The following PCDH9 variants were observed in gnomAD, a reference collection of about 807,000 sequenced individuals.
PCDH9 encodes protocadherin-9.
A neutral mutation model predicts 70.6 loss-of-function variants in PCDH9; 24 were observed. The observed-to-expected ratio is 0.34, with a 90% CI of 0.25 to 0.48. The LOEUF is 0.48. Ranked by LOEUF, PCDH9 falls within the 20% of genes least tolerant of loss-of-function variation. The probability of loss-of-function intolerance (pLI) is 0.99; values close to 1 mark genes in which losing one functional copy is unlikely to be tolerated. For missense variants in PCDH9, 1,281 were observed against 1,503.6 expected, an observed-to-expected ratio of 0.85 and a Z score of 2.45; for synonymous variants, 562 against 558.5, an observed-to-expected ratio of 1.01 and a Z score of -0.09.
At chr13:66,513,440 A>G (rs1157546715) in intron 4 of PCDH9, among the ~76,000 whole-genome samples, 3 of 152,054 alleles carry the variant, frequency 2.0e-5, no homozygotes, top group Admixed American at 6.6e-5. Flanking sequence ...GCCACGTTTT[A>G]CATAATTTCA....
At chr13:66,532,479 C>A (rs1227121050) in intron 4 of PCDH9, among the ~76,000 whole-genome samples, 2 of 152,176 alleles carry the variant, frequency 1.3e-5, no homozygotes, top group South Asian at 2.1e-4. Context: ...AATATTTAAA[C>A]AAAAATTCTT....
chr13:67,088,052 C>A (rs991898327), intron 2 of PCDH9, among the ~76,000 whole-genome samples: 2 of 151,822 alleles, frequency 1.3e-5, no homozygotes, highest in African/African-American at 2.4e-5. Flanking sequence ...TTAGGAATTG[C>A]GGCTACTCTG....
intron 2 of PCDH9, among the ~76,000 whole-genome samples, chr13:67,094,346 C>T (rs2086278549): frequency 6.6e-6 from 1 of 152,114 alleles, no homozygotes; most frequent in South Asian, 2.1e-4. Context: ...TCATTTTCAC[C>T]CTCCAGGCCA....
At chr13:66,981,599 A>C (rs139559960) in intron 2 of PCDH9, among the ~76,000 whole-genome samples, 1,854 of 152,054 alleles carry the variant, frequency 0.012, 14 homozygotes, top group Non-Finnish European at 0.02. Flanking sequence ...AGATCCTATT[A>C]ATTATACAAT....
intron 2 of PCDH9, among the ~76,000 whole-genome samples, chr13:66,944,843 G>GTC (rs1555289279): frequency 1.3e-5 from 2 of 150,432 alleles, no homozygotes; most frequent in African/African-American, 2.5e-5. Context: ...GTGTGTGTGT[G>GTC]TGTGTGTGTG....
intron 3 of PCDH9, among the ~76,000 whole-genome samples, chr13:66,861,154 C>T (rs961548064): frequency 2.6e-5 from 4 of 152,302 alleles, no homozygotes; most frequent in African/African-American, 9.6e-5. Flanking sequence ...GTGTGAAAAT[C>T]ACCCAAATGT....
At chr13:66,958,972 T>C (rs1200037055) in intron 2 of PCDH9, among the ~76,000 whole-genome samples, 1 of 152,244 alleles carries the variant, frequency 6.6e-6, no homozygotes, top group Non-Finnish European at 1.5e-5. Flanking sequence ...TATACTAAAC[T>C]CAACCTTTAG....
chr13:66,375,443 A>G (rs577710746), intron 4 of PCDH9, among the ~76,000 whole-genome samples: 1 of 152,230 alleles, frequency 6.6e-6, no homozygotes, highest in East Asian at 1.9e-4. Flanking sequence ...AAAAACTTGT[A>G]GTATATTTGC....
chr13:66,641,267 C>G (rs890237389), intron 3 of PCDH9, among the ~76,000 whole-genome samples: 1 of 151,916 alleles, frequency 6.6e-6, no homozygotes, highest in African/African-American at 2.4e-5. Flanking sequence ...ATGATGTACC[C>G]CTGTAGCACA....
chr13:66,412,659 C>T (rs1488718760), intron 4 of PCDH9, among the ~76,000 whole-genome samples: 1 of 152,110 alleles, frequency 6.6e-6, no homozygotes, highest in Non-Finnish European at 1.5e-5. Flanking sequence ...TTGAACAATG[C>T]TATTAAGTAA....
intron 4 of PCDH9, among the ~76,000 whole-genome samples, chr13:66,392,673 C>T (rs1448236157): frequency 6.6e-6 from 1 of 152,068 alleles, no homozygotes; most frequent in South Asian, 2.1e-4. Context: ...GTCTACATTT[C>T]GTGGCTTGAA....
At chr13:66,660,971 T>C (rs2078001005) in intron 3 of PCDH9, among the ~76,000 whole-genome samples, 1 of 152,188 alleles carries the variant, frequency 6.6e-6, no homozygotes, top group African/African-American at 2.4e-5. Flanking sequence ...ATCTGAAATC[T>C]AAAACATAAT....
intron 2 of PCDH9, among the ~76,000 whole-genome samples, chr13:67,050,302 G>A (rs570470422): frequency 1.4e-4 from 21 of 152,086 alleles, no homozygotes; most frequent in Non-Finnish European, 2.2e-4. Context: ...AAACACTCCT[G>A]AGCAGGTAGG....
chr13:66,384,394 T>A (rs995993822), intron 4 of PCDH9, among the ~76,000 whole-genome samples: 6 of 152,152 alleles, frequency 3.9e-5, no homozygotes, highest in Admixed American at 2.0e-4. Flanking sequence ...ACTGTTTTTG[T>A]TGTTCTATCA....
chr13:67,093,543 C>T (rs1260752650), intron 2 of PCDH9, among the ~76,000 whole-genome samples: 1 of 152,056 alleles, frequency 6.6e-6, no homozygotes, highest in East Asian at 1.9e-4. Context: ...GCAAAAACAC[C>T]TTGGAGTAAC....
At chr13:66,337,270 T>C (rs960297541) in intron 4 of PCDH9, among the ~76,000 whole-genome samples, 1 of 152,058 alleles carries the variant, frequency 6.6e-6, no homozygotes, top group African/African-American at 2.4e-5. Flanking sequence ...TCAATTTATA[T>C]ATATATTTAT....
intron 2 of PCDH9, among the ~76,000 whole-genome samples, chr13:66,975,449 G>A (rs1282349745): frequency 6.6e-6 from 1 of 151,944 alleles, no homozygotes; most frequent in Non-Finnish European, 1.5e-5. Flanking sequence ...ATCCCGCTAG[G>A]TAGATAGTTA....
rs551082589 is a variant in PCDH9 at position 66,941,553 on chromosome 13, A to G, written c.3037-37948T>C. On this transcript the variant is annotated intron_variant, in intron 2 of 4. Transcript: ENST00000377865. ...GACTCAGATAGCTAAAAACAAAAAG[A>G]TAGAAAAGATACATTACACTAGCAC... 3.3e-5 allele frequency among the ~76,000 whole-genome samples: 5 copies of G among 151,990 alleles called. No individual in the cohort carries two copies. In the South Asian group the frequency reaches 1.0e-3, roughly 31 times the overall value.
intron 2 of PCDH9, among the ~76,000 whole-genome samples, chr13:67,023,566 G>C (rs957255275): frequency 6.6e-6 from 1 of 152,186 alleles, no homozygotes. Context: ...GAGTTTGCCT[G>C]AGGGGAGGCA....
Sources: allele counts gnomAD v4.1 joint callset (sites outside exome capture counted in the v4.1 genomes callset), GRCh38; gene constraint gnomAD v4.1.1; transcripts MANE v1.5; gene names NCBI Gene and HGNC (gene_info 2026-07-23, HGNC 2026-07-21).